ITCH: variants seen among roughly 807,000 people sequenced by gnomAD.
The protein encoded by ITCH is itchy E3 ubiquitin protein ligase.
In ITCH, 28 loss-of-function variants were observed where a neutral mutation model predicts 126.8. The ratio of observed to expected loss-of-function variants is 0.22; its 90% CI spans 0.16 to 0.30. ITCH has a LOEUF of 0.30. Among genes scored for constraint, ITCH ranks in the 10% least tolerant of loss-of-function variants. The probability of loss-of-function intolerance (pLI) is 1.00; values close to 1 mark genes in which losing one functional copy is unlikely to be tolerated. For missense variants in ITCH, 631 were observed against 1,032.4 expected (o/e 0.61, Z 5.33); for synonymous variants, 342 against 340.0 (o/e 1.01, Z -0.06).
chr20:34,439,034 AT>A (rs1369049383), intron 8 of ITCH, among the ~76,000 whole-genome samples: 3 of 152,210 alleles, frequency 2.0e-5, no homozygotes, highest in African/African-American at 4.8e-5. Context: ...AATGACCCAG[AT>A]TTTAAATAAA....
intron 20 of ITCH, 83 bp from the exon 21 acceptor site, chr20:34,489,173 GTTTTTTATAA>G: frequency 1.8e-6 from 2 of 1,102,678 alleles, no homozygotes; most frequent in South Asian, 3.1e-5. Context: ...TATATTTTAA[GTTTTTTATAA>G]TTTTTTAAAA....
intron 6 of ITCH, among the ~76,000 whole-genome samples, chr20:34,414,728 C>T (rs1342267467): frequency 6.6e-6 from 1 of 152,118 alleles, no homozygotes; most frequent in Non-Finnish European, 1.5e-5. Context: ...GATCCGCCCA[C>T]CTCAGCCTTC....
chr20:34,398,526 A>G (rs2038755720), intron 3 of ITCH, among the ~76,000 whole-genome samples: 1 of 150,474 alleles, frequency 6.6e-6, no homozygotes, highest in African/African-American at 2.4e-5. Context: ...AGCCTCCCAG[A>G]TAGCTGGGAT....
intron 6 of ITCH, among the ~76,000 whole-genome samples, chr20:34,421,662 T>C (rs1344161712): frequency 6.6e-6 from 1 of 152,164 alleles, no homozygotes; most frequent in East Asian, 1.9e-4. Flanking sequence ...ATCTAAATAA[T>C]TTATGCCATA....
At chr20:34,501,999 A>G (rs1990278245) in intron 23 of ITCH, among the ~76,000 whole-genome samples, 1 of 152,152 alleles carries the variant, frequency 6.6e-6, no homozygotes, top group Non-Finnish European at 1.5e-5. Context: ...ATGAAATTCT[A>G]CTATAGGCCA....
At chr20:34,503,410 A>G (rs953974403) in intron 23 of ITCH, among the ~76,000 whole-genome samples, 1 of 152,202 alleles carries the variant, frequency 6.6e-6, no homozygotes, top group Non-Finnish European at 1.5e-5. Context: ...CACTTTTCAC[A>G]GCTATCTCCA....
intron 23 of ITCH, among the ~76,000 whole-genome samples, chr20:34,498,905 G>A (rs566657634): frequency 5.3e-5 from 8 of 151,304 alleles, no homozygotes; most frequent in Non-Finnish European, 7.4e-5. Context: ...AAAAGAATTG[G>A]TATTAGTTCT....
chr20:34,452,185 T>C (rs1345977980), intron 12 of ITCH, among the ~76,000 whole-genome samples: 1 of 152,176 alleles, frequency 6.6e-6, no homozygotes, highest in East Asian at 1.9e-4. Flanking sequence ...AAAATGCCTC[T>C]TGCTTATAGA....
In ITCH at chr20:34,507,807, T is replaced by G. The variant is rs1353393721; in HGVS notation, c.*13T>G. ...TGGACAAGAGTAACTTCTGAGAACT[T>G]GCACCATGAATGGGCAAGAACTTAT... is the stretch of plus-strand genomic sequence containing the variant. On this transcript the variant is annotated 3_prime_UTR_variant, in exon 25 of 25. Transcript: ENST00000374864. The G allele has an allele frequency of 1.3e-6, 2 of 1,594,958 alleles. No homozygotes were observed. The highest frequency in any genetic ancestry group is 8.6e-7 in the Non-Finnish European group (1 of 1,162,792).
intron 10 of ITCH, among the ~76,000 whole-genome samples, chr20:34,444,249 T>A (rs1179897552): frequency 6.6e-6 from 1 of 152,196 alleles, no homozygotes; most frequent in Non-Finnish European, 1.5e-5. Flanking sequence ...TTTAGAACAT[T>A]TGTATCAATG....
chr20:34,463,835 A>G (rs748018072), intron 14 of ITCH, among the ~76,000 whole-genome samples: 9 of 149,920 alleles, frequency 6.0e-5, no homozygotes, highest in Non-Finnish European at 1.0e-4. Context: ...GGTGTTCTCT[A>G]TATATTCTGG....
At position 34,507,764 on chromosome 20, in the gene ITCH, A is replaced by G. The variant is rs774298764; in HGVS notation, c.2559A>G (p.Ile853Met). 1.2e-6 allele frequency: 2 copies of G among 1,613,888 alleles called. No homozygotes were observed. The highest frequency in any genetic ancestry group is 1.7e-6 in the Non-Finnish European group (2 of 1,179,800). ...TGAAGGAAAAGCTGTTGTTTGCCAT[A>G]GAAGAAACAGAAGGATTTGGACAAG... ...EQLKEKLLFA[I>M]EETEGFGQE The change falls in exon 25 of 25, where the codon ATA (isoleucine) becomes ATG (methionine). Residue 853 changes from isoleucine to methionine, a missense_variant. Around this residue, in one of 4 missense-constraint regions of ITCH, gnomAD observed 390 missense variants for 731.6 expected, o/e 0.53. Transcript: ENST00000374864.
chr20:34,491,750 A>G (rs900844043), intron 22 of ITCH, among the ~76,000 whole-genome samples: 1 of 152,228 alleles, frequency 6.6e-6, no homozygotes, highest in Non-Finnish European at 1.5e-5. Flanking sequence ...CAGGCTAGAA[A>G]CATTCTCTAG....
intron 16 of ITCH, among the ~76,000 whole-genome samples, chr20:34,477,219 C>T (rs1010047744): frequency 2.0e-5 from 3 of 152,120 alleles, no homozygotes; most frequent in Non-Finnish European, 4.4e-5. Context: ...CATTATAAGT[C>T]AATAGTAGCA....
At position 34,369,425 on chromosome 20, in the gene ITCH, A is replaced by G; in HGVS notation, c.-67A>G. The stretch of plus-strand genomic sequence containing the variant: ...TGCATTTCACGGTGGCCTTGTGGAG[A>G]CAACGCCTTAACCCAAGGAAGTGAC... On this transcript the variant is annotated 5_prime_UTR_variant, in exon 2 of 25. Transcript: ENST00000374864. 2.5e-6 allele frequency: 1 copy of G among 399,032 alleles called. No homozygotes were observed. The highest frequency in any genetic ancestry group is 4.4e-6 in the Non-Finnish European group (1 of 226,088). 24.7% of individuals were successfully genotyped at this position (399,032 alleles called of 1,614,324 possible).
At chr20:34,504,274 A>G in intron 23 of ITCH, 57 bp from the exon 24 acceptor site, 1 of 1,279,800 alleles carries the variant, frequency 7.8e-7, no homozygotes, top group South Asian at 1.2e-5. Flanking sequence ...TGGATTGGGG[A>G]ACACAGTTTG....
chr20:34,499,272 C>CTTTTTTTTTTTTTTTTTTTTTTTT (rs386393666), intron 23 of ITCH, among the ~76,000 whole-genome samples: 1 of 23,010 alleles, frequency 4.3e-5, no homozygotes, highest in Non-Finnish European at 7.6e-5. Context: ...CTGTGCCCAG[C>CTTTTTTTTTTTTTTTTTTTTTTTT]TTTTTTTTTT....
At chr20:34,468,531 C>T (rs897638012) in intron 14 of ITCH, among the ~76,000 whole-genome samples, 2 of 151,956 alleles carry the variant, frequency 1.3e-5, no homozygotes, top group Non-Finnish European at 2.9e-5. Context: ...TGGCTCACGC[C>T]TGTAATCCCA....
chr20:34,407,180 A>G (rs771441527), intron 3 of ITCH, among the ~76,000 whole-genome samples: 75 of 152,300 alleles, frequency 4.9e-4, no homozygotes, highest in South Asian at 8.3e-4. Flanking sequence ...TTCCTTAGAT[A>G]ATATGAGATG....
Sources: allele counts gnomAD v4.1 joint callset (sites outside exome capture counted in the v4.1 genomes callset), GRCh38; gene constraint gnomAD v4.1.1; regional missense constraint gnomAD v4.1.1; transcripts MANE v1.5; gene names NCBI Gene and HGNC (gene_info 2026-07-23, HGNC 2026-07-21).